The following CAMK1D variants were observed in gnomAD, a reference collection of about 807,000 sequenced individuals.
CAMK1D encodes calcium/calmodulin-dependent protein kinase type 1D.
In CAMK1D, 9 loss-of-function variants were observed where a neutral mutation model predicts 47.7. The observed-to-expected ratio is 0.19, with a 90% CI of 0.11 to 0.33. The LOEUF is 0.33. Among genes scored for constraint, CAMK1D ranks in the 10% least tolerant of loss-of-function variants. The pLI, the probability that CAMK1D is intolerant of heterozygous loss-of-function variation, is 1.00. For missense variants in CAMK1D, 291 were observed against 488.7 expected (o/e 0.60, Z 3.81); for synonymous variants, 184 against 184.9 (o/e 0.99, Z 0.04).
chr10:12,639,627 A>C (rs186854701), intron 2 of CAMK1D, among the ~76,000 whole-genome samples: 25 of 152,266 alleles, frequency 1.6e-4, no homozygotes, highest in African/African-American at 6.0e-4. Flanking sequence ...TCTCTAGCAC[A>C]CAATCACGTG....
intron 1 of CAMK1D, among the ~76,000 whole-genome samples, chr10:12,506,211 G>A (rs1252013301): frequency 6.6e-6 from 1 of 152,110 alleles, no homozygotes; most frequent in Non-Finnish European, 1.5e-5. Context: ...TTGAGGCCAG[G>A]AGTTCGAGAC....
intron 6 of CAMK1D, among the ~76,000 whole-genome samples, chr10:12,811,430 T>C (rs1222661119): frequency 6.6e-6 from 1 of 152,208 alleles, no homozygotes; most frequent in Non-Finnish European, 1.5e-5. Context: ...AAGGAAGATT[T>C]TGTAACTTCT....
Position 12,361,708 on chromosome 10 carries a change from A to G in CAMK1D, c.92+11798A>G, listed in dbSNP as rs191635714. 9.7e-3 allele frequency among the ~76,000 whole-genome samples: 1,449 copies of G among 150,082 alleles called. 16 individuals are homozygous for G. The highest frequency in any genetic ancestry group is 0.034 in the African/African-American group (1,388 of 40,590). Reference sequence around the variant, plus strand: ...GTAGCTGGGATTACAGGCGCCCACCACCACGCCTGGCTAATTTTTGTATTT... The same window carrying G: ...GTAGCTGGGATTACAGGCGCCCACCGCCACGCCTGGCTAATTTTTGTATTT... On this transcript the variant is annotated intron_variant, in intron 1 of 10. Transcript: ENST00000619168.
intron 4 of CAMK1D, among the ~76,000 whole-genome samples, chr10:12,762,077 G>A (rs1226095457): frequency 1.3e-5 from 2 of 152,158 alleles, no homozygotes; most frequent in East Asian, 3.8e-4. Context: ...ACTGAAGGGT[G>A]GATGTCACAC....
chr10:12,678,690 A>G (rs1840891760), intron 3 of CAMK1D, among the ~76,000 whole-genome samples: 1 of 152,182 alleles, frequency 6.6e-6, no homozygotes, highest in East Asian at 1.9e-4. Context: ...TGTTACGTCT[A>G]CTTGGTGAAT....
At chr10:12,576,894 G>A (rs543182833) in intron 2 of CAMK1D, among the ~76,000 whole-genome samples, 27 of 152,264 alleles carry the variant, frequency 1.8e-4, no homozygotes, top group South Asian at 2.1e-4. Flanking sequence ...CCTGCATGCC[G>A]TCTATCTCAG....
At chr10:12,613,878 G>T (rs763864704) in intron 2 of CAMK1D, among the ~76,000 whole-genome samples, 1 of 152,176 alleles carries the variant, frequency 6.6e-6, no homozygotes, top group Non-Finnish European at 1.5e-5. Flanking sequence ...TATCCCGATT[G>T]TACAGGGAAG....
chr10:12,734,094 G>A (rs531145348), intron 3 of CAMK1D, among the ~76,000 whole-genome samples: 5 of 151,606 alleles, frequency 3.3e-5, no homozygotes, highest in South Asian at 2.1e-4. Flanking sequence ...TGGGGAGTCC[G>A]AGGCGCGTGG....
intron 1 of CAMK1D, among the ~76,000 whole-genome samples, chr10:12,549,450 C>A (rs1836508021): frequency 6.6e-6 from 1 of 152,314 alleles, no homozygotes. Flanking sequence ...CCATTTGTCC[C>A]CCAATGGATG....
intron 3 of CAMK1D, among the ~76,000 whole-genome samples, chr10:12,697,462 A>G (rs1833342135): frequency 6.6e-6 from 1 of 152,152 alleles, no homozygotes; most frequent in Non-Finnish European, 1.5e-5. Context: ...GCAATGGCTC[A>G]ATCTCAGCTC....
chr10:12,734,345 A>T (rs866113385), intron 3 of CAMK1D, among the ~76,000 whole-genome samples: 9 of 8,472 alleles, frequency 1.1e-3, no homozygotes, highest in African/African-American at 1.2e-3. Flanking sequence ...AAAAAAAAAA[A>T]ATATATATAT....
chr10:12,624,810 A>G (rs1417314981), intron 2 of CAMK1D, among the ~76,000 whole-genome samples: 3 of 151,962 alleles, frequency 2.0e-5, no homozygotes, highest in African/African-American at 7.3e-5. Flanking sequence ...TTAAGCCTCC[A>G]TTTCTTCATT....
intron 2 of CAMK1D, among the ~76,000 whole-genome samples, chr10:12,563,160 C>T (rs1411430094): frequency 2.0e-5 from 3 of 152,180 alleles, no homozygotes; most frequent in Non-Finnish European, 2.9e-5. Context: ...CCAGGGGAGC[C>T]GACGTCCAAG....
chr10:12,379,714 C>G (rs1838284856), intron 1 of CAMK1D, among the ~76,000 whole-genome samples: 1 of 152,116 alleles, frequency 6.6e-6, no homozygotes, highest in East Asian at 1.9e-4. Context: ...GATCGTGCCA[C>G]TGCACTGCAG....
At chr10:12,452,440 T>G (rs1222626666) in intron 1 of CAMK1D, among the ~76,000 whole-genome samples, 1 of 151,626 alleles carries the variant, frequency 6.6e-6, no homozygotes, top group African/African-American at 2.4e-5. Context: ...ATTGTATAAA[T>G]ATACAATATT....
intron 3 of CAMK1D, among the ~76,000 whole-genome samples, chr10:12,738,693 G>A (rs963337509): frequency 5.3e-5 from 8 of 152,008 alleles, no homozygotes; most frequent in Non-Finnish European, 7.4e-5. Context: ...TTAGCCGGGC[G>A]TGGTGGCTCG....
intron 1 of CAMK1D, among the ~76,000 whole-genome samples, chr10:12,512,092 A>G (rs1236615696): frequency 6.6e-6 from 1 of 152,256 alleles, no homozygotes; most frequent in Non-Finnish European, 1.5e-5. Flanking sequence ...GTAACTGGGC[A>G]TTATGCTAAA....
At chr10:12,752,133 G>A (rs1489130192) in intron 3 of CAMK1D, among the ~76,000 whole-genome samples, 3 of 151,970 alleles carry the variant, frequency 2.0e-5, no homozygotes, top group Admixed American at 6.6e-5. Flanking sequence ...ACAGGCGCCC[G>A]CCATCATGCC....
intron 1 of CAMK1D, among the ~76,000 whole-genome samples, chr10:12,375,824 T>C (rs1340756957): frequency 6.6e-6 from 1 of 152,138 alleles, no homozygotes; most frequent in Non-Finnish European, 1.5e-5. Flanking sequence ...GATTGTGCTC[T>C]TTTGCAGTTT....
Sources: gnomAD v4.1 joint callset for allele counts (sites outside exome capture counted in the v4.1 genomes callset) on GRCh38, gnomAD v4.1.1 for gene constraint, MANE v1.5 for transcripts, NCBI Gene and HGNC (gene_info 2026-07-23, HGNC 2026-07-21) for gene names.